Variants in CPQ observed in about 807,000 individuals in gnomAD.
The protein encoded by CPQ is Ser-Met dipeptidase.
A neutral mutation model predicts 45.7 loss-of-function variants in CPQ; 37 were observed. That is an observed-to-expected ratio of 0.81 (90% CI 0.62 to 1.07). The LOEUF is 1.07. Among genes scored for constraint, CPQ ranks in the 50% least tolerant of loss-of-function variants. CPQ has a pLI of 0.00. For synonymous variants in CPQ, 186 were observed against 205.8 expected (o/e 0.90, Z 0.82); for missense variants, 537 against 572.9 (o/e 0.94, Z 0.64).
intron 7 of CPQ, among the ~76,000 whole-genome samples, chr8:97,103,412 A>AT (rs759879170): frequency 1.7e-3 from 253 of 152,258 alleles, no homozygotes; most frequent in Non-Finnish European, 2.9e-3. Context: ...GAAAACTAGT[A>AT]TTTTTTAAAC....
chr8:96,778,725 A>C (rs142470391), intron 1 of CPQ, among the ~76,000 whole-genome samples: 1 of 152,270 alleles, frequency 6.6e-6, no homozygotes, highest in African/African-American at 2.4e-5. Context: ...TTAGTATCAA[A>C]ATTAATTTAA....
chr8:97,060,039 T>G (rs1422113553), intron 6 of CPQ, among the ~76,000 whole-genome samples: 1 of 152,068 alleles, frequency 6.6e-6, no homozygotes, highest in Admixed American at 6.6e-5. Context: ...ATTTCATTTA[T>G]TTTTCCATGG....
At chr8:96,780,443 T>C (rs1050290293) in intron 1 of CPQ, among the ~76,000 whole-genome samples, 2 of 152,126 alleles carry the variant, frequency 1.3e-5, no homozygotes, top group African/African-American at 4.8e-5. Context: ...CAGCGTGAAG[T>C]TCAATGCAGC....
intron 3 of CPQ, among the ~76,000 whole-genome samples, chr8:96,873,291 C>T (rs1812101661): frequency 6.6e-6 from 1 of 151,636 alleles, no homozygotes; most frequent in Non-Finnish European, 1.5e-5. Flanking sequence ...CATCTCCTCT[C>T]TCTTGAGCAG....
intron 1 of CPQ, among the ~76,000 whole-genome samples, chr8:96,684,827 T>G (rs113885888): frequency 0.024 from 3,683 of 152,064 alleles, 164 homozygotes; most frequent in African/African-American, 0.084. Context: ...TTGGCCAGAC[T>G]TGGTGGCTCA....
intron 4 of CPQ, among the ~76,000 whole-genome samples, chr8:96,915,166 A>G (rs1812715757): frequency 6.6e-6 from 1 of 152,162 alleles, no homozygotes; most frequent in Non-Finnish European, 1.5e-5. Flanking sequence ...ACTGATTCCT[A>G]CAACTAGCCT....
chr8:96,734,895 TCG>T (rs1362087771), intron 1 of CPQ, among the ~76,000 whole-genome samples: 1 of 152,096 alleles, frequency 6.6e-6, no homozygotes, highest in Non-Finnish European at 1.5e-5. Context: ...GCTATGCTAC[TCG>T]CTCTTCCTGT....
intron 5 of CPQ, among the ~76,000 whole-genome samples, chr8:97,012,753 AC>A (rs1343486225): frequency 2.6e-5 from 4 of 152,100 alleles, no homozygotes; most frequent in Admixed American, 6.6e-5. Flanking sequence ...TATCAAAATG[AC>A]CCCAAAAAGC....
chr8:96,960,623 C>T (rs956992802), intron 4 of CPQ, among the ~76,000 whole-genome samples: 3 of 152,122 alleles, frequency 2.0e-5, no homozygotes, highest in Non-Finnish European at 2.9e-5. Flanking sequence ...ACTGTGTTCC[C>T]GTACCTGATC....
At chr8:96,895,022 TTGAC>T (rs1406896658) in intron 4 of CPQ, among the ~76,000 whole-genome samples, 4 of 152,330 alleles carry the variant, frequency 2.6e-5, no homozygotes, top group Admixed American at 6.5e-5. Context: ...ACCTCACTCA[TTGAC>T]TGACTATTTA....
chr8:96,911,405 G>C (rs1364123250), intron 4 of CPQ, among the ~76,000 whole-genome samples: 1 of 152,166 alleles, frequency 6.6e-6, no homozygotes, highest in East Asian at 1.9e-4. Context: ...ACAGTGGCAG[G>C]TGTGAAAAGA....
At chr8:97,119,328 CAAAAAAA>C (rs34998181) in intron 7 of CPQ, among the ~76,000 whole-genome samples, 17 of 72,338 alleles carry the variant, frequency 2.4e-4, no homozygotes, top group Non-Finnish European at 2.0e-4. Flanking sequence ...GACTCCATCT[CAAAAAAA>C]AAAAAAAAAA....
chr8:96,841,466 T>C (rs2130853407), intron 3 of CPQ, among the ~76,000 whole-genome samples: 1 of 152,360 alleles, frequency 6.6e-6, no homozygotes, highest in East Asian at 1.9e-4. Flanking sequence ...CTGTTTGTTG[T>C]ATTCCCACTG....
intron 2 of CPQ, 51 bp from the exon 3 acceptor site, chr8:96,834,922 A>G: frequency 1.3e-6 from 2 of 1,541,992 alleles, no homozygotes; most frequent in South Asian, 1.2e-5. Flanking sequence ...TGCCAATTCA[A>G]CCCAGCTGAT....
chr8:96,727,845 C>T (rs1431793364), intron 1 of CPQ, among the ~76,000 whole-genome samples: 2 of 152,086 alleles, frequency 1.3e-5, no homozygotes, highest in African/African-American at 2.4e-5. Context: ...TCTGATTTTT[C>T]CAGAGAAAAA....
intron 5 of CPQ, among the ~76,000 whole-genome samples, chr8:96,996,416 A>C (rs1284902664): frequency 6.6e-6 from 1 of 152,002 alleles, no homozygotes; most frequent in Non-Finnish European, 1.5e-5. Flanking sequence ...TAACATGACC[A>C]CCAAAGTCTT....
At chr8:96,846,715 C>T (rs979530963) in intron 3 of CPQ, among the ~76,000 whole-genome samples, 1 of 152,046 alleles carries the variant, frequency 6.6e-6, no homozygotes, top group Non-Finnish European at 1.5e-5. Flanking sequence ...CTTTGTCATG[C>T]CTAAGAAATT....
intron 4 of CPQ, among the ~76,000 whole-genome samples, chr8:96,911,040 G>C (rs1317158325): frequency 2.0e-5 from 3 of 151,854 alleles, no homozygotes; most frequent in Non-Finnish European, 2.9e-5. Context: ...TAATTTAATA[G>C]TTGTAGTTAG....
chr8:97,029,528 T>C (rs745470720), intron 6 of CPQ, 34 bp downstream of exon 6: 2 of 1,535,930 alleles, frequency 1.3e-6, no homozygotes, highest in Middle Eastern at 2.0e-4. Context: ...TAAGCATTTG[T>C]ACATGTAATA....
Sources: gnomAD v4.1 joint callset for allele counts (sites outside exome capture counted in the v4.1 genomes callset) on GRCh38, gnomAD v4.1.1 for gene constraint, MANE v1.5 for transcripts, NCBI Gene and HGNC (gene_info 2026-07-23, HGNC 2026-07-21) for gene names.